Variants in MIA2 observed in about 807,000 individuals in gnomAD.
MIA2 encodes melanoma inhibitory activity protein 2.
In MIA2, 127 loss-of-function variants were observed where a neutral mutation model predicts 167.8. That is an observed-to-expected ratio of 0.76 (90% CI 0.66 to 0.88). The LOEUF (loss-of-function observed/expected upper bound fraction) is 0.88, where lower values mean the gene tolerates loss of function less well. Among genes scored for constraint, MIA2 ranks in the 40% least tolerant of loss-of-function variants. The pLI is 0.00. For missense variants in MIA2, 1,690 were observed against 1,624.7 expected (o/e 1.04, Z -0.69); for synonymous variants, 552 against 541.9 (o/e 1.02, Z -0.26).
At chr14:39,357,409 A>G (rs2074557563) in intron 23 of MIA2, among the ~76,000 whole-genome samples, 1 of 152,038 alleles carries the variant, frequency 6.6e-6, no homozygotes, top group Admixed American at 6.5e-5. Flanking sequence ...TGCTTGGTAT[A>G]TCTTCCTCCA....
intron 25 of MIA2, among the ~76,000 whole-genome samples, chr14:39,344,366 AC>A (rs1431789363): frequency 6.6e-6 from 1 of 152,176 alleles, no homozygotes; most frequent in Non-Finnish European, 1.5e-5. Flanking sequence ...GAAAGGGAAA[AC>A]TGAGTTTAGA....
At chr14:39,385,714 T>C in intron 23 of MIA2, 1 of 974,552 alleles carries the variant, frequency 1.0e-6, no homozygotes, top group Non-Finnish European at 1.7e-6. Flanking sequence ...TAACAGACTA[T>C]AGTCCTTCTT....
intron 3 of MIA2, among the ~76,000 whole-genome samples, chr14:39,246,286 T>G (rs1314625534): frequency 2.0e-5 from 3 of 151,828 alleles, no homozygotes; most frequent in Admixed American, 2.0e-4. Context: ...TTAGTAGAGA[T>G]GGGTTTCGCC....
chr14:39,377,792 CT>C (rs1021792596), intron 23 of MIA2, among the ~76,000 whole-genome samples: 1 of 150,522 alleles, frequency 6.6e-6, no homozygotes, highest in Non-Finnish European at 1.5e-5. Flanking sequence ...TTGCTGGAAA[CT>C]TTTTTTTATA....
intron 25 of MIA2, among the ~76,000 whole-genome samples, chr14:39,343,696 G>T (rs2072558391): frequency 6.6e-6 from 1 of 152,092 alleles, no homozygotes; most frequent in Non-Finnish European, 1.5e-5. Flanking sequence ...AAGCAAAAAA[G>T]AAAGGGACCT....
chr14:39,348,578 T>C (rs2073902693), intron 27 of MIA2, among the ~76,000 whole-genome samples, 165 bp from the exon 28 acceptor site: 1 of 152,232 alleles, frequency 6.6e-6, no homozygotes, highest in Non-Finnish European at 1.5e-5. Context: ...TAAAATGTGA[T>C]AGCTGATACA....
intron 6 of MIA2, chr14:39,265,331 A>C: frequency 8.2e-7 from 1 of 1,218,758 alleles, no homozygotes. Flanking sequence ...TTTCTCAAGG[A>C]TATGAGGTGC....
In MIA2 at chr14:39,295,038, T is replaced by G. The variant is rs759575810; in HGVS notation, c.2496+9T>G. On this transcript the variant is annotated intron_variant, in intron 13 of 28. Coordinates refer to ENST00000640607, the MANE Select transcript of MIA2 (RefSeq NM_001329214.4). ...AGGAAAGCCAGAAACAGGTTTGTGCTCCGTAGGGACTCTTCAACTTGTGAA... is the reference window on the plus strand; with the variant it reads ...AGGAAAGCCAGAAACAGGTTTGTGCGCCGTAGGGACTCTTCAACTTGTGAA... The G allele has an allele frequency of 1.1e-5, 17 of 1,559,124 alleles. No homozygotes were observed. In the South Asian group the frequency reaches 1.3e-4, roughly 12 times the overall value.
intron 13 of MIA2, among the ~76,000 whole-genome samples, chr14:39,296,868 C>T (rs528818602): frequency 4.0e-5 from 6 of 151,810 alleles, no homozygotes; most frequent in South Asian, 2.1e-4. Context: ...CTCCACCTCC[C>T]GCGTTCAAGT....
chr14:39,352,061 G>A (rs2074401739), downstream of MIA2, among the ~76,000 whole-genome samples: 1 of 151,828 alleles, frequency 6.6e-6, no homozygotes, highest in South Asian at 2.1e-4. Context: ...GATACATTTA[G>A]TTTGCTTTAT....
chr14:39,359,634 C>T (rs2060941668), intron 23 of MIA2, among the ~76,000 whole-genome samples: 2 of 152,208 alleles, frequency 1.3e-5, no homozygotes, highest in Non-Finnish European at 2.9e-5. Flanking sequence ...CACCTGTCTT[C>T]TGCGTCGCTC....
At chr14:39,327,408 A>G (rs1283344754) in intron 25 of MIA2, among the ~76,000 whole-genome samples, 1 of 152,324 alleles carries the variant, frequency 6.6e-6, no homozygotes, top group East Asian at 1.9e-4. Context: ...ACATTTATAC[A>G]CATAGCTGTT....
At chr14:39,268,558 C>CT (rs1468215646) in intron 6 of MIA2, among the ~76,000 whole-genome samples, 2 of 152,070 alleles carry the variant, frequency 1.3e-5, no homozygotes, top group African/African-American at 4.8e-5. Context: ...GTAAAGTGGG[C>CT]TTAGGGAGTG....
chr14:39,342,363 A>C (rs1040026880), intron 25 of MIA2, among the ~76,000 whole-genome samples: 1 of 152,138 alleles, frequency 6.6e-6, no homozygotes, highest in East Asian at 1.9e-4. Flanking sequence ...ATGGCTGCAT[A>C]GTATTCCATG....
intron 23 of MIA2, among the ~76,000 whole-genome samples, chr14:39,367,189 A>G (rs931050891): frequency 6.6e-6 from 1 of 152,168 alleles, no homozygotes; most frequent in Non-Finnish European, 1.5e-5. Context: ...ACAGTGCCCT[A>G]TCCTTGGGGT....
intron 23 of MIA2, among the ~76,000 whole-genome samples, chr14:39,377,445 A>G (rs1047897622): frequency 2.6e-5 from 4 of 152,170 alleles, no homozygotes; most frequent in African/African-American, 9.7e-5. Flanking sequence ...GGAAAAATGG[A>G]AAAAAAGAAG....
At chr14:39,348,169 T>C (rs183924539) in intron 27 of MIA2, among the ~76,000 whole-genome samples, 160 of 152,304 alleles carry the variant, frequency 1.1e-3, no homozygotes, top group African/African-American at 3.6e-3. Flanking sequence ...AGAATAGAAA[T>C]ATAGCTAATA....
At chr14:39,312,044 G>A (rs1365349705) in intron 18 of MIA2, among the ~76,000 whole-genome samples, 1 of 151,640 alleles carries the variant, frequency 6.6e-6, no homozygotes, top group East Asian at 1.9e-4. Flanking sequence ...TAGCCAGGCT[G>A]GTCTCGAACT....
At chr14:39,373,909 C>CACA (rs1381467733) in intron 23 of MIA2, among the ~76,000 whole-genome samples, 3 of 152,144 alleles carry the variant, frequency 2.0e-5, no homozygotes, top group Non-Finnish European at 4.4e-5. Context: ...TGCTTGTAAT[C>CACA]ACAGCACTTT....
Sources: allele counts gnomAD v4.1 joint callset (sites outside exome capture counted in the v4.1 genomes callset), GRCh38; gene constraint gnomAD v4.1.1; transcripts MANE v1.5; gene names NCBI Gene and HGNC (gene_info 2026-07-23, HGNC 2026-07-21).